Variants in BICRAL observed in about 807,000 individuals in gnomAD.
The protein encoded by BICRAL is BICRA like chromatin remodeling complex associated protein.
Under a neutral mutation model 91.8 loss-of-function variants are expected in BICRAL, and 8 were observed. That is an observed-to-expected ratio of 0.09 (90% CI 0.05 to 0.16). BICRAL has a LOEUF of 0.16. BICRAL is among the 10% of genes least tolerant of loss of function. BICRAL has a pLI of 1.00. For synonymous variants in BICRAL, 445 were observed against 491.1 expected, an observed-to-expected ratio of 0.91 and a Z score of 1.24; for missense variants, 1,038 against 1,310.9, an observed-to-expected ratio of 0.79 and a Z score of 3.21.
At chr6:42,788,222 C>CTT (rs11304715) in intron 1 of BICRAL, among the ~76,000 whole-genome samples, 1,510 of 113,260 alleles carry the variant, frequency 0.013, 29 homozygotes, top group African/African-American at 0.022. Context: ...GAGCAGCATT[C>CTT]TTTTTTTTTT....
intron 2 of BICRAL, among the ~76,000 whole-genome samples, chr6:42,820,102 C>A (rs1296877641): frequency 6.6e-6 from 1 of 152,118 alleles, no homozygotes; most frequent in Non-Finnish European, 1.5e-5. Flanking sequence ...GGTAGTAACA[C>A]CTCAATGGAG....
At position 42,867,908 on chromosome 6, in the gene BICRAL, C is replaced by T. The variant is rs1765759834; in HGVS notation, c.*2462C>T. ...GAAGATTATGACATGTATTTCACTC[C>T]TGTGATTAGGTTCTACGCACATGGG... On this transcript the variant is annotated 3_prime_UTR_variant, in exon 13 of 13. Coordinates refer to ENST00000314073, the MANE Select transcript of BICRAL (RefSeq NM_001393499.1). The T allele has an allele frequency of 6.6e-6, 1 of 152,448 alleles. No homozygotes were observed. Among genetic ancestry groups the T allele is most frequent in the Non-Finnish European group, 1.5e-5 (1 of 68,022 alleles). The allele number at this position is 152,448 out of a possible 1,614,324, so 9.4% of individuals were successfully genotyped here.
chr6:42,821,784 C>A (rs559714117), intron 2 of BICRAL, among the ~76,000 whole-genome samples: 21 of 152,218 alleles, frequency 1.4e-4, no homozygotes, highest in African/African-American at 4.8e-4. Flanking sequence ...TGTCTAGATT[C>A]TTTTTTGACT....
intron 1 of BICRAL, among the ~76,000 whole-genome samples, chr6:42,773,481 G>A (rs963058145): frequency 1.3e-5 from 2 of 151,746 alleles, no homozygotes; most frequent in Admixed American, 1.3e-4. Context: ...GCCTCCTAAA[G>A]TACTGGGATT....
At chr6:42,787,040 A>G (rs556470936) in intron 1 of BICRAL, among the ~76,000 whole-genome samples, 166 of 152,132 alleles carry the variant, frequency 1.1e-3, no homozygotes, top group Non-Finnish European at 1.4e-3. Flanking sequence ...GGAAACAGGG[A>G]AGTTAGGAGG....
At position 42,857,203 on chromosome 6, in the gene BICRAL, G is replaced by A; in HGVS notation, c.2221G>A (p.Gly741Ser). The A allele has an allele frequency of 6.2e-7, 1 of 1,613,724 alleles. No individual in the cohort carries two copies. Among genetic ancestry groups the A allele is most frequent in the Non-Finnish European group, 8.5e-7 (1 of 1,179,862 alleles). The change falls in exon 10 of 13, where the codon GGC becomes AGC. Residue 741 changes from glycine (G) to serine (S), a missense_variant. Gly to Ser is a moderately conservative substitution (Grantham distance 56). Coordinates refer to ENST00000314073, the MANE Select transcript of BICRAL (RefSeq NM_001393499.1). Reference protein sequence around the residue: ...QRLLSYHVCQGSMPTEEDLRK... With the variant: ...QRLLSYHVCQSSMPTEEDLRK... ...ACTGCTCTCCTACCACGTGTGCCAG[G>A]GCTCCATGCCCACTGAAGAAGACTT...
intron 2 of BICRAL, among the ~76,000 whole-genome samples, chr6:42,817,658 T>G (rs2113931612): frequency 6.6e-6 from 1 of 152,112 alleles, no homozygotes; most frequent in East Asian, 1.9e-4. Flanking sequence ...TTTTAAATGT[T>G]TTGTAGAGAT....
chr6:42,778,103 C>T (rs1762829164), upstream of BICRAL, among the ~76,000 whole-genome samples: 1 of 152,056 alleles, frequency 6.6e-6, no homozygotes, highest in Non-Finnish European at 1.5e-5. Flanking sequence ...TTTGGTTGTA[C>T]CTGGAGAATC....
At chr6:42,789,701 A>G (rs1763212215) in intron 1 of BICRAL, among the ~76,000 whole-genome samples, 1 of 152,094 alleles carries the variant, frequency 6.6e-6, no homozygotes, top group South Asian at 2.1e-4. Context: ...TGTTATTTGC[A>G]TATGGAAGAA....
upstream of BICRAL, among the ~76,000 whole-genome samples, chr6:42,780,251 C>T (rs1762868111): frequency 6.6e-6 from 1 of 152,038 alleles, no homozygotes. Flanking sequence ...ATGCCGGCCC[C>T]AACAGATTTA....
At chr6:42,840,219 TTTTGTTTGTTTG>T (rs143931324) in intron 6 of BICRAL, among the ~76,000 whole-genome samples, 37,446 of 150,276 alleles carry the variant, frequency 0.25, 5,009 homozygotes, top group South Asian at 0.39. Context: ...TTTTGTTCTT[TTTTGTTTGTTTG>T]TTTGTTTGTT....
At chr6:42,799,075 G>A (rs1763494520) in intron 1 of BICRAL, among the ~76,000 whole-genome samples, 4 of 152,084 alleles carry the variant, frequency 2.6e-5, no homozygotes, top group Admixed American at 2.6e-4. Flanking sequence ...TTTTTACCCA[G>A]TAGAAATATG....
rs1763738378 is a variant in BICRAL, at chr6:42,807,392, C to T, written c.-101-2914C>T. ...TAGAGATGGGGTTTCACCATGTTAG[C>T]CAGGATGGTCTCGATCTCCTGACCT... On this transcript the variant is annotated intron_variant, in intron 1 of 12. Transcript: ENST00000314073. 2.0e-5 allele frequency among the ~76,000 whole-genome samples: 3 copies of T among 151,332 alleles called. No individual in the cohort carries two copies. In the South Asian group the frequency reaches 6.3e-4, roughly 32 times the overall value.
intron 1 of BICRAL, among the ~76,000 whole-genome samples, chr6:42,764,656 C>T (rs1464304295): frequency 6.6e-6 from 1 of 151,556 alleles, no homozygotes; most frequent in African/African-American, 2.4e-5. Flanking sequence ...GTTATGGGGT[C>T]TTTTGTTTGT....
intron 7 of BICRAL, chr6:42,852,629 T>C: frequency 4.3e-5 from 11 of 257,394 alleles, no homozygotes; most frequent in African/African-American, 7.5e-5. Context: ...ACCACTGCAT[T>C]CCAGTCTGGG....
At chr6:42,755,098 G>C (rs140493353) in intron 1 of BICRAL, among the ~76,000 whole-genome samples, 1 of 152,164 alleles carries the variant, frequency 6.6e-6, no homozygotes, top group Non-Finnish European at 1.5e-5. Flanking sequence ...AGGAGAAAAG[G>C]GTGGAGGTAG....
intron 2 of BICRAL, among the ~76,000 whole-genome samples, chr6:42,820,724 T>G (rs1281400291): frequency 6.6e-6 from 1 of 152,194 alleles, no homozygotes; most frequent in Non-Finnish European, 1.5e-5. Flanking sequence ...CTTTTCCCAC[T>G]GCTTCTTCCT....
chr6:42,747,824 G>A (rs1433397439), intron 1 of BICRAL, among the ~76,000 whole-genome samples: 1 of 39,814 alleles, frequency 2.5e-5, no homozygotes, highest in Admixed American at 2.9e-4. Context: ...TTTTTTTTTT[G>A]AGACGGAGTT....
chr6:42,825,849 A>C (rs1317907745), intron 5 of BICRAL, among the ~76,000 whole-genome samples: 7 of 151,526 alleles, frequency 4.6e-5, no homozygotes, highest in African/African-American at 1.7e-4. Context: ...TGAGAGGCCG[A>C]AGTAGGTGGA....
Sources: allele counts gnomAD v4.1 joint callset (sites outside exome capture counted in the v4.1 genomes callset), GRCh38; gene constraint gnomAD v4.1.1; transcripts MANE v1.5; gene names NCBI Gene and HGNC (gene_info 2026-07-23, HGNC 2026-07-21).